The following KLF13 variants were observed in gnomAD, a reference collection of about 807,000 sequenced individuals.
The protein encoded by KLF13 is KLF transcription factor 13.
A neutral mutation model predicts 16.7 loss-of-function variants in KLF13; 8 were observed. The observed-to-expected ratio is 0.48, with a 90% CI of 0.28 to 0.87. KLF13 has a LOEUF of 0.87. Ranked by LOEUF, KLF13 falls within the 40% of genes least tolerant of loss-of-function variation. The pLI is 0.10. For missense variants in KLF13, 447 were observed against 452.2 expected (o/e 0.99, Z 0.10); for synonymous variants, 245 against 208.4 (o/e 1.18, Z -1.51).
At position 31,327,212 on chromosome 15, in the gene KLF13, C is replaced by T. The variant is rs965330220; in HGVS notation, c.-1C>T. Reference sequence around the variant, plus strand: ...CACCGCCGCCGGCCCCAGCCCGCAGCATGGCAGCCGCCGCCTATGTGGACC... The same window carrying T: ...CACCGCCGCCGGCCCCAGCCCGCAGTATGGCAGCCGCCGCCTATGTGGACC... On this transcript the variant is annotated 5_prime_UTR_variant, in exon 1 of 2. Coordinates refer to ENST00000307145, the MANE Select transcript of KLF13 (RefSeq NM_015995.4). The T allele has an allele frequency of 3.1e-5, 42 of 1,354,356 alleles. No individual in the cohort carries two copies. Among genetic ancestry groups the T allele is most frequent in the Non-Finnish European group, 3.8e-5 (40 of 1,053,110 alleles). The allele number at this position is 1,354,356 out of a possible 1,614,324, so 83.9% of individuals were successfully genotyped here. A position where few individuals can be genotyped will look rare whatever the true frequency, so the allele number is the denominator to read the frequency against.
intron 1 of KLF13, among the ~76,000 whole-genome samples, chr15:31,330,771 G>A (rs61036010): frequency 0.3 from 46,313 of 152,168 alleles, 7,278 homozygotes; most frequent in Non-Finnish European, 0.33. Context: ...ATAACAATGC[G>A]TAATAACACA....
At chr15:31,433,945 A>G (rs2040500905) in intron 1 of KLF13, among the ~76,000 whole-genome samples, 1 of 152,174 alleles carries the variant, frequency 6.6e-6, no homozygotes, top group Non-Finnish European at 1.5e-5. Context: ...CTGGCCCCAG[A>G]CCACCAGGAG....
At chr15:31,342,342 G>A (rs552640756) in intron 1 of KLF13, among the ~76,000 whole-genome samples, 1 of 152,324 alleles carries the variant, frequency 6.6e-6, no homozygotes, top group South Asian at 2.1e-4. Context: ...GGGCAGTCTT[G>A]GGTGAGGATG....
chr15:31,429,134 G>A (rs2040437010), intron 1 of KLF13, among the ~76,000 whole-genome samples: 1 of 151,644 alleles, frequency 6.6e-6, no homozygotes, highest in Non-Finnish European at 1.5e-5. Flanking sequence ...GCTGCATTCT[G>A]TATGTTCATT....
intron 1 of KLF13, among the ~76,000 whole-genome samples, chr15:31,337,740 G>T (rs2038954727): frequency 6.6e-6 from 1 of 152,134 alleles, no homozygotes; most frequent in African/African-American, 2.4e-5. Flanking sequence ...ATTAAAATGG[G>T]GTGTCGTCTT....
At position 31,327,287 on chromosome 15, in the gene KLF13, CGGG is replaced by C; in HGVS notation, c.76_78del (p.Gly26del). On this transcript the variant is annotated inframe_deletion, in exon 1 of 2. Transcript: ENST00000307145. The stretch of plus-strand genomic sequence containing the variant: ...CCATGTCGAGCCGCGCGGTCGTGCA[CGGG>C]CCGCGGGAGGGGCCGGAGTCCCGGC... 1 of 1,321,150 alleles carries C rather than the reference CGGG, an allele frequency of 7.6e-7. No individual in the cohort carries two copies. Among genetic ancestry groups the C allele is most frequent in the Non-Finnish European group, 9.6e-7 (1 of 1,037,390 alleles). The allele number at this position is 1,321,150 out of a possible 1,614,324, so 81.8% of individuals were successfully genotyped here.
intron 1 of KLF13, among the ~76,000 whole-genome samples, chr15:31,416,698 G>T (rs2040260545): frequency 6.6e-6 from 1 of 152,044 alleles, no homozygotes. Context: ...AGGAAAAATG[G>T]ACCAAAATAC....
intron 1 of KLF13, among the ~76,000 whole-genome samples, chr15:31,348,114 A>C (rs916423682): frequency 1.3e-5 from 2 of 152,204 alleles, no homozygotes; most frequent in Non-Finnish European, 2.9e-5. Context: ...TGGTGGAGGA[A>C]AGTGGAAAAC....
At chr15:31,393,109 C>G (rs2039897634) in exon 1 of KLF13, 1 of 152,516 alleles carries the variant, frequency 6.6e-6, no homozygotes, top group East Asian at 1.9e-4. Context: ...GGAGAACCCA[C>G]AGCGGCTTCC....
chr15:31,350,259 T>C (rs1466795225), intron 1 of KLF13, among the ~76,000 whole-genome samples: 2 of 152,096 alleles, frequency 1.3e-5, no homozygotes, highest in African/African-American at 2.4e-5. Flanking sequence ...AGCTTTGGGA[T>C]TGGGGAGGGA....
rs557094954 is a variant in KLF13 at position 31,427,936 on chromosome 15, T to C, written n.118-7434T>C. 3.3e-5 allele frequency among the ~76,000 whole-genome samples: 5 copies of C among 152,280 alleles called. No individual in the cohort carries two copies. The South Asian group carries it at 1.0e-3, about 32-fold the overall frequency. On this transcript the variant is annotated intron_variant and non_coding_transcript_variant, in intron 1 of 1. Transcript: ENST00000558225. ...CTGTCCCCATGATCCAATCACCTCC[T>C]ACCAGGCACTGCCTCCAATACTGGG...
rs1380225297 is a variant in KLF13, at chr15:31,423,148, T to C, written n.118-12222T>C. On this transcript the variant is annotated intron_variant and non_coding_transcript_variant, in intron 1 of 1. Coordinates refer to the KLF13 transcript ENST00000558225. ...GTATATATACGTATACGTATACGTA[T>C]ATATACGTATATATATGTATATATA... is the stretch of plus-strand genomic sequence containing the variant. Among the ~76,000 whole-genome samples the C allele has an allele frequency of 1.7e-5, 2 of 115,770 alleles. 1 individual carries two copies. Among genetic ancestry groups the C allele is most frequent in the African/African-American group, 9.8e-5 (2 of 20,462 alleles). 75.9% of individuals were successfully genotyped at this position (115,770 alleles called of 152,430 possible). A position where few individuals can be genotyped will look rare whatever the true frequency, so the allele number is the denominator to read the frequency against.
downstream of KLF13, among the ~76,000 whole-genome samples, chr15:31,381,444 ACCT>A (rs2039725659): frequency 6.6e-6 from 1 of 151,400 alleles, no homozygotes; most frequent in Non-Finnish European, 1.5e-5. Context: ...CTCCTCTCTG[ACCT>A]CCTAATCTCC....
In KLF13 at chr15:31,327,530, C is replaced by A; in HGVS notation, c.318C>A (p.Thr106=). 3.1e-5 allele frequency: 35 copies of A among 1,117,548 alleles called. No homozygotes were observed. The highest frequency in any genetic ancestry group is 3.8e-5 in the Non-Finnish European group (35 of 915,486). The allele number at this position is 1,117,548 out of a possible 1,614,324, so 69.2% of individuals were successfully genotyped here. The change falls in exon 1 of 2, where the codon ACC becomes ACA. Residue 106 remains threonine (T), a synonymous_variant. Transcript: ENST00000307145. ...CRLPPPAPEP[T]SPGAEGAAAA... The stretch of plus-strand genomic sequence containing the variant: ...TGCCGCCGCCCGCCCCCGAGCCCAC[C>A]TCCCCCGGCGCCGAAGGCGCGGCGG...
At position 31,423,167 on chromosome 15, in the gene KLF13, A is replaced by G. The variant is rs57013694; in HGVS notation, n.118-12203A>G. ...TACGTATATATACGTATATATATGT[A>G]TATATATACATATATACGTATATAT... On this transcript the variant is annotated intron_variant and non_coding_transcript_variant, in intron 1 of 1. Coordinates refer to the KLF13 transcript ENST00000558225. Among the ~76,000 whole-genome samples, 11 of 107,282 alleles carry G rather than the reference A, an allele frequency of 1.0e-4. 2 individuals carry two copies. Among genetic ancestry groups the G allele is most frequent in the African/African-American group, 5.8e-4 (10 of 17,154 alleles). 70.4% of individuals were successfully genotyped at this position (107,282 alleles called of 152,430 possible).
chr15:31,367,497 C>T (rs1438217286), intron 1 of KLF13, among the ~76,000 whole-genome samples: 8 of 152,182 alleles, frequency 5.3e-5, no homozygotes, highest in Non-Finnish European at 1.0e-4. Context: ...ACGTCCCATC[C>T]ATTGGATGCT....
At chr15:31,328,508 C>T (rs940785542) in intron 1 of KLF13, among the ~76,000 whole-genome samples, 2 of 152,100 alleles carry the variant, frequency 1.3e-5, no homozygotes, top group South Asian at 4.1e-4. Flanking sequence ...GGCTCCTCGG[C>T]CTCGAGGCTC....
chr15:31,351,785 G>A (rs1351050394), intron 1 of KLF13, among the ~76,000 whole-genome samples: 6 of 121,770 alleles, frequency 4.9e-5, no homozygotes, highest in Non-Finnish European at 8.0e-5. Context: ...GCTGAGGTGG[G>A]CAGATCTTGA....
At chr15:31,396,495 C>T (rs4613031) in intron 2 of KLF13, among the ~76,000 whole-genome samples, 105,411 of 152,054 alleles carry the variant, frequency 0.69, 37,110 homozygotes, top group African/African-American at 0.82. Context: ...GGGGGGCAGC[C>T]AGTGAGTTGG....
Sources: allele counts gnomAD v4.1 joint callset (sites outside exome capture counted in the v4.1 genomes callset), GRCh38; gene constraint gnomAD v4.1.1; transcripts MANE v1.5; gene names NCBI Gene and HGNC (gene_info 2026-07-23, HGNC 2026-07-21).